Variants in AZIN2 observed in about 807,000 individuals in gnomAD.
AZIN2 encodes the protein antizyme inhibitor 2.
Under a neutral mutation model 47.8 loss-of-function variants are expected in AZIN2, and 28 were observed. That is an observed-to-expected ratio of 0.59 (90% CI 0.43 to 0.80). The LOEUF is 0.80. Ranked by LOEUF, AZIN2 falls within the 30% of genes least tolerant of loss-of-function variation. The pLI is 0.00. For synonymous variants in AZIN2, 221 were observed against 239.4 expected, an observed-to-expected ratio of 0.92 and a Z score of 0.71; for missense variants, 535 against 582.5, an observed-to-expected ratio of 0.92 and a Z score of 0.84.
chr1:33,119,331 G>GA, intron 11 of AZIN2: 1 of 153,530 alleles, frequency 6.5e-6, no homozygotes, highest in East Asian at 1.9e-4. Flanking sequence ...TTGTTTTTTG[G>GA]AAAGATGAAT....
chr1:33,087,882 G>A (rs1268482035), intron 5 of AZIN2, among the ~76,000 whole-genome samples: 1 of 152,102 alleles, frequency 6.6e-6, no homozygotes. Flanking sequence ...GCTCCTTCCT[G>A]TCCAGACACA....
chr1:33,112,879 TATTAA>T (rs528188308), intron 10 of AZIN2, among the ~76,000 whole-genome samples: 3 of 152,220 alleles, frequency 2.0e-5, no homozygotes, highest in East Asian at 1.9e-4. Context: ...TTAATCTAGT[TATTAA>T]ATTAGGGAGA....
At chr1:33,097,353 C>A (rs1643264482) in intron 9 of AZIN2, among the ~76,000 whole-genome samples, 1 of 152,158 alleles carries the variant, frequency 6.6e-6, no homozygotes, top group African/African-American at 2.4e-5. Flanking sequence ...GAGTCATTAG[C>A]CCAAGGTCAC....
the AZIN2 span, among the ~76,000 whole-genome samples, chr1:33,144,429 C>T: frequency 8.0e-4 from 122 of 152,324 alleles, 1 homozygote; most frequent in South Asian, 2.1e-3. Context: ...TGAGCCACTG[C>T]GCCCGGTGGC....
At chr1:33,132,682 C>T in the AZIN2 span, among the ~76,000 whole-genome samples, 2 of 152,204 alleles carry the variant, frequency 1.3e-5, no homozygotes, top group Admixed American at 1.3e-4. Context: ...TCTTTTCTAA[C>T]CACTGGCTTA....
At chr1:33,157,939 T>A in the AZIN2 span, among the ~76,000 whole-genome samples, 1 of 152,064 alleles carries the variant, frequency 6.6e-6, no homozygotes, top group African/African-American at 2.4e-5. Flanking sequence ...GTATTTTTAA[T>A]AGAGACAGGG....
Position 33,120,289 on chromosome 1 carries a change from C to A in AZIN2, c.*107C>A. 1 of 1,454,406 alleles carries A rather than the reference C, an allele frequency of 6.9e-7. No individual in the cohort carries two copies. Among genetic ancestry groups the A allele is most frequent in the Non-Finnish European group, 9.2e-7 (1 of 1,081,816 alleles). The allele number at this position is 1,454,406 out of a possible 1,614,324, so 90.1% of individuals were successfully genotyped here. A position where few individuals can be genotyped will look rare whatever the true frequency, so the allele number is the denominator to read the frequency against. On this transcript the variant is annotated 3_prime_UTR_variant, in exon 12 of 12. Coordinates refer to ENST00000294517, the MANE Select transcript of AZIN2 (RefSeq NM_052998.4). Reference sequence around the variant, plus strand: ...TACCCTTGGCCAGGACTCTGGTGCCCACCCTGCCACCCCCGCGCTCCACCT... The same window carrying A: ...TACCCTTGGCCAGGACTCTGGTGCCAACCCTGCCACCCCCGCGCTCCACCT...
intron 10 of AZIN2, among the ~76,000 whole-genome samples, chr1:33,100,872 T>A (rs779509252): frequency 6.6e-6 from 1 of 152,102 alleles, no homozygotes; most frequent in Admixed American, 6.6e-5. Context: ...TCTCTCTCTT[T>A]TTTTTTTGAG....
the AZIN2 span, among the ~76,000 whole-genome samples, chr1:33,137,735 C>T: frequency 1.4e-4 from 22 of 152,140 alleles, no homozygotes; most frequent in Admixed American, 4.6e-4. Context: ...GGCTCAGCAC[C>T]CTCCTTGGCC....
chr1:33,144,107 GAT>G, the AZIN2 span, among the ~76,000 whole-genome samples: 1 of 150,594 alleles, frequency 6.6e-6, no homozygotes, highest in Non-Finnish European at 1.5e-5. Context: ...TGCAAACGTT[GAT>G]ATATGATTCC....
At chr1:33,140,667 C>CCAG in the AZIN2 span, among the ~76,000 whole-genome samples, 1 of 152,234 alleles carries the variant, frequency 6.6e-6, no homozygotes, top group African/African-American at 2.4e-5. The surrounding 1 kb of genome is among the most constrained non-coding windows in gnomAD (Gnocchi z 4.0). Context: ...CCCTGCAGCT[C>CCAG]CAGCAGCTGC....
At chr1:33,101,844 C>T (rs1267316104) in intron 10 of AZIN2, 1 of 779,618 alleles carries the variant, frequency 1.3e-6, no homozygotes. Context: ...CTAAGAACCA[C>T]TCACCCTGCT....
intron 11 of AZIN2, chr1:33,119,633 C>T (rs1477887110): frequency 5.2e-6 from 1 of 192,316 alleles, no homozygotes; most frequent in Non-Finnish European, 1.1e-5. Flanking sequence ...TGTGGGCTTT[C>T]GAGTGAGAGT....
chr1:33,105,798 A>T (rs1232010152), intron 10 of AZIN2, among the ~76,000 whole-genome samples: 1 of 152,242 alleles, frequency 6.6e-6, no homozygotes, highest in Admixed American at 6.5e-5. Context: ...AATGCAAGAT[A>T]CGATTTGGTA....
At chr1:33,158,436 C>A in the AZIN2 span, 2 of 1,263,842 alleles carry the variant, frequency 1.6e-6, no homozygotes. Context: ...AGGGGCCCCG[C>A]AGCCACCTTC....
At chr1:33,144,135 C>T in the AZIN2 span, among the ~76,000 whole-genome samples, 34 of 146,568 alleles carry the variant, frequency 2.3e-4, no homozygotes, top group African/African-American at 7.1e-4. Flanking sequence ...AATGTTACTT[C>T]TTTTTTTTTT....
chr1:33,095,793 G>A lies in AZIN2; in HGVS notation c.754-914G>A, dbSNP rs558980219. On this transcript the variant is annotated intron_variant, in intron 8 of 11. Transcript: ENST00000294517. ...CAGCCGATTAACAGATATTTTATGTGTGATATGTATTATATACTGTATTCT... is the reference window on the plus strand; with the variant it reads ...CAGCCGATTAACAGATATTTTATGTATGATATGTATTATATACTGTATTCT... Among the ~76,000 whole-genome samples the A allele has an allele frequency of 6.4e-4, 97 of 152,310 alleles. 1 individual carries two copies. The highest frequency in any genetic ancestry group is 2.3e-3 in the African/African-American group (95 of 41,548).
At chr1:33,100,778 A>G (rs1490346894) in intron 10 of AZIN2, among the ~76,000 whole-genome samples, 5 of 152,144 alleles carry the variant, frequency 3.3e-5, no homozygotes, top group Non-Finnish European at 7.4e-5. Flanking sequence ...GCTATCCCCA[A>G]CTGTCTCATA....
At chr1:33,108,855 C>A (rs556351714) in intron 10 of AZIN2, among the ~76,000 whole-genome samples, 1 of 152,320 alleles carries the variant, frequency 6.6e-6, no homozygotes, top group East Asian at 1.9e-4. Flanking sequence ...TTTTGTGTGA[C>A]AAGCAATTTT....
Sources: allele counts gnomAD v4.1 joint callset (sites outside exome capture counted in the v4.1 genomes callset), GRCh38; gene constraint gnomAD v4.1.1; non-coding constraint Gnocchi (gnomAD v3.1); transcripts MANE v1.5; gene names NCBI Gene and HGNC (gene_info 2026-07-23, HGNC 2026-07-21).